FKBP5: variants seen among roughly 807,000 people sequenced by gnomAD.
The protein encoded by FKBP5 is peptidyl-prolyl cis-trans isomerase FKBP5.
Under a neutral mutation model 50.5 loss-of-function variants are expected in FKBP5, and 23 were observed. The ratio of observed to expected loss-of-function variants is 0.46; its 90% CI spans 0.33 to 0.65. The LOEUF is 0.65. Among genes scored for constraint, FKBP5 ranks in the 30% least tolerant of loss-of-function variants. FKBP5 has a pLI of 0.02. For missense variants in FKBP5, 411 were observed against 553.1 expected, an observed-to-expected ratio of 0.74 and a Z score of 2.58; for synonymous variants, 176 against 190.6, an observed-to-expected ratio of 0.92 and a Z score of 0.63.
At chr6:35,643,072 C>G (rs930272636) in intron 1 of FKBP5, among the ~76,000 whole-genome samples, 2 of 152,158 alleles carry the variant, frequency 1.3e-5, no homozygotes, top group Non-Finnish European at 2.9e-5. Context: ...GGTCTCAAAA[C>G]AGAGAACAGT....
At chr6:35,589,370 C>A (rs1762743533) in intron 7 of FKBP5, among the ~76,000 whole-genome samples, 1 of 151,822 alleles carries the variant, frequency 6.6e-6, no homozygotes, top group Non-Finnish European at 1.5e-5. Flanking sequence ...CTCAGGTGAT[C>A]CACCTACCTC....
chr6:35,582,937 T>C (rs1030190464), intron 8 of FKBP5: 2 of 864,646 alleles, frequency 2.3e-6, no homozygotes, highest in African/African-American at 3.6e-5. Flanking sequence ...CAAGACTTTT[T>C]CTAAAGTGGT....
At chr6:35,579,281 AT>A (rs1762345804) in intron 9 of FKBP5, among the ~76,000 whole-genome samples, 1 of 152,210 alleles carries the variant, frequency 6.6e-6, no homozygotes, top group African/African-American at 2.4e-5. Context: ...AAATTCAAAA[AT>A]AATCTCACAA....
intron 1 of FKBP5, among the ~76,000 whole-genome samples, chr6:35,656,567 T>C (rs995889910): frequency 6.6e-6 from 1 of 152,162 alleles, no homozygotes; most frequent in African/African-American, 2.4e-5. Flanking sequence ...TTACATGTGG[T>C]ATTAGTTTTC....
At chr6:35,663,273 T>A (rs779839524) in intron 1 of FKBP5, among the ~76,000 whole-genome samples, 11 of 152,160 alleles carry the variant, frequency 7.2e-5, no homozygotes, top group Non-Finnish European at 1.5e-4. Flanking sequence ...GGGAGCTGCA[T>A]GTGATCCCAC....
intron 5 of FKBP5, among the ~76,000 whole-genome samples, chr6:35,601,147 A>C (rs1763133691): frequency 6.6e-6 from 1 of 152,186 alleles, no homozygotes; most frequent in Non-Finnish European, 1.5e-5. Flanking sequence ...CATGTGGACT[A>C]ATCTTTTTTT....
chr6:35,581,395 CA>C lies in FKBP5; in HGVS notation c.841-1175del, dbSNP rs557078419. The C allele has an allele frequency of 6.0e-3, 786 of 131,204 alleles. 9 individuals carry two copies. Among genetic ancestry groups the C allele is most frequent in the African/African-American group, 0.028 (758 of 26,782 alleles). 8.1% of individuals were successfully genotyped at this position (131,204 alleles called of 1,614,324 possible). A position where few individuals can be genotyped will look rare whatever the true frequency, so the allele number is the denominator to read the frequency against. ...CCGAGACAGGTGGATCACCTGAGGT[CA>C]GGAGTTCGAGACCAGCCTGGCCGTC... On this transcript the variant is annotated intron_variant, in intron 8 of 10. Transcript: ENST00000357266.
intron 3 of FKBP5, among the ~76,000 whole-genome samples, chr6:35,627,126 T>C (rs1029948120): frequency 1.3e-5 from 2 of 152,184 alleles, no homozygotes; most frequent in African/African-American, 4.8e-5. Context: ...TTTCTCTACA[T>C]CCTCATCAAC....
At chr6:35,674,481 T>G (rs1765476439) in intron 1 of FKBP5, among the ~76,000 whole-genome samples, 2 of 152,166 alleles carry the variant, frequency 1.3e-5, no homozygotes, top group Non-Finnish European at 2.9e-5. Flanking sequence ...TCCACTAATT[T>G]CCAACAAGCT....
intron 5 of FKBP5, among the ~76,000 whole-genome samples, chr6:35,617,518 C>A (rs1293216268): frequency 6.6e-6 from 1 of 152,006 alleles, no homozygotes; most frequent in East Asian, 1.9e-4. Context: ...TTTAAACAGA[C>A]CTTTTATAAT....
At chr6:35,691,239 G>A (rs1765982164), upstream of FKBP5, among the ~76,000 whole-genome samples, 3 of 152,080 alleles carry the variant, frequency 2.0e-5, no homozygotes, top group South Asian at 6.2e-4. Context: ...CCTACGAGAG[G>A]CAGGGAAGGC....
intron 3 of FKBP5, among the ~76,000 whole-genome samples, chr6:35,623,752 CTTTTT>C: frequency 7.0e-6 from 1 of 142,088 alleles, no homozygotes; most frequent in Non-Finnish European, 1.6e-5. Flanking sequence ...TTTTCTTCTT[CTTTTT>C]TTTTTTTTTG....
At chr6:35,694,375 G>A (rs144958077) in intron 2 of FKBP5, among the ~76,000 whole-genome samples, 1 of 152,204 alleles carries the variant, frequency 6.6e-6, no homozygotes, top group East Asian at 1.9e-4. Context: ...TCGAACTCCT[G>A]GCTTCAAGTG....
chr6:35,654,663 C>T (rs904640228), intron 1 of FKBP5, among the ~76,000 whole-genome samples: 7 of 152,154 alleles, frequency 4.6e-5, no homozygotes, highest in Admixed American at 1.3e-4. Flanking sequence ...TTGATCTTGT[C>T]GCCCAGGCTA....
At chr6:35,675,618 C>T (rs1765506657) in intron 1 of FKBP5, among the ~76,000 whole-genome samples, 1 of 152,162 alleles carries the variant, frequency 6.6e-6, no homozygotes, top group Non-Finnish European at 1.5e-5. Context: ...TACCACAAAA[C>T]ACCTTGAGGG....
chr6:35,707,267 A>G (rs1581898134), intron 2 of FKBP5, among the ~76,000 whole-genome samples: 1 of 125,422 alleles, frequency 8.0e-6, no homozygotes, highest in Admixed American at 1.0e-4. Context: ...CCCAGGCTGG[A>G]GTGCAATGAC....
At chr6:35,711,274 G>A (rs901487681) in intron 2 of FKBP5, among the ~76,000 whole-genome samples, 10 of 149,528 alleles carry the variant, frequency 6.7e-5, no homozygotes, top group South Asian at 2.1e-4. Flanking sequence ...CCATGATCTC[G>A]CCACTGCACT....
chr6:35,686,772 C>T (rs929662163), intron 1 of FKBP5, among the ~76,000 whole-genome samples: 1 of 152,088 alleles, frequency 6.6e-6, no homozygotes, highest in Non-Finnish European at 1.5e-5. Flanking sequence ...CATTATTTTC[C>T]AAGAATAAAC....
intron 8 of FKBP5, chr6:35,583,183 G>C: frequency 1.0e-6 from 1 of 985,412 alleles, no homozygotes; most frequent in Non-Finnish European, 1.2e-6. Flanking sequence ...AGATGAGATA[G>C]GAAGGACAGG....
Sources: allele counts gnomAD v4.1 joint callset (sites outside exome capture counted in the v4.1 genomes callset), GRCh38; gene constraint gnomAD v4.1.1; transcripts MANE v1.5; gene names NCBI Gene and HGNC (gene_info 2026-07-23, HGNC 2026-07-21).